The following B3GLCT variants were observed in gnomAD, a reference collection of about 807,000 sequenced individuals.
B3GLCT encodes beta 3-glucosyltransferase.
Under a neutral mutation model 63.4 loss-of-function variants are expected in B3GLCT, and 65 were observed. The observed-to-expected ratio is 1.03, with a 90% CI of 0.84 to 1.26. B3GLCT has a LOEUF of 1.26. Among genes scored for constraint, B3GLCT ranks in the 50% most tolerant of loss-of-function variants. B3GLCT has a pLI of 0.00. For synonymous variants in B3GLCT, 233 were observed against 219.2 expected, an observed-to-expected ratio of 1.06 and a Z score of -0.55; for missense variants, 577 against 604.8, an observed-to-expected ratio of 0.95 and a Z score of 0.48.
intron 12 of B3GLCT, among the ~76,000 whole-genome samples, chr13:31,293,514 G>C (rs1873783945): frequency 6.6e-6 from 1 of 152,202 alleles, no homozygotes; most frequent in African/African-American, 2.4e-5. Context: ...ATTTAGGATA[G>C]TTAGCTCTTC....
chr13:31,225,944 T>G (rs547340909), intron 3 of B3GLCT, among the ~76,000 whole-genome samples: 1 of 152,302 alleles, frequency 6.6e-6, no homozygotes, highest in Non-Finnish European at 1.5e-5. Flanking sequence ...CGTTTCTAAC[T>G]TTATCACCTA....
intron 6 of B3GLCT, among the ~76,000 whole-genome samples, chr13:31,248,988 T>C (rs1871312561): frequency 6.6e-6 from 1 of 152,216 alleles, no homozygotes. Flanking sequence ...GATCACTTTT[T>C]GGAATTCTTT....
chr13:31,215,228 C>A, intron 2 of B3GLCT, 128 bp downstream of exon 2: 1 of 1,020,192 alleles, frequency 9.8e-7, no homozygotes, highest in Non-Finnish European at 1.5e-6. Context: ...ATAATGTGGT[C>A]AACATGGATT....
chr13:31,236,892 C>T (rs1173760845), intron 4 of B3GLCT, among the ~76,000 whole-genome samples: 1 of 152,098 alleles, frequency 6.6e-6, no homozygotes, highest in Non-Finnish European at 1.5e-5. Flanking sequence ...CTTGGGAGGC[C>T]AAGGTGGGCG....
At position 31,298,288 on chromosome 13, in the gene B3GLCT, A is replaced by G. The variant is rs968010107; in HGVS notation, c.1064+11469A>G. ...ATATCACAGCCTACCCTCGTTCTTC[A>G]GATACCTTACATCAAAAGAACATAC... On this transcript the variant is annotated intron_variant, in intron 12 of 14. Coordinates refer to ENST00000343307, the MANE Select transcript of B3GLCT (RefSeq NM_194318.4). Among the ~76,000 whole-genome samples, 5 of 152,360 alleles carry G rather than the reference A, an allele frequency of 3.3e-5. No individual in the cohort carries two copies. In the South Asian group the frequency reaches 8.3e-4, roughly 25 times the overall value.
chr13:31,288,461 T>C (rs1010238765), intron 12 of B3GLCT, among the ~76,000 whole-genome samples: 2 of 152,170 alleles, frequency 1.3e-5, no homozygotes, highest in African/African-American at 2.4e-5. Flanking sequence ...CAGAACTCTC[T>C]AACACCACAG....
At chr13:31,299,693 C>G (rs975579923) in intron 12 of B3GLCT, among the ~76,000 whole-genome samples, 7 of 152,154 alleles carry the variant, frequency 4.6e-5, no homozygotes, top group Non-Finnish European at 7.3e-5. Flanking sequence ...CCCCCATATC[C>G]ACTAATTTCA....
chr13:31,272,755 A>G (rs1205793399), intron 8 of B3GLCT, among the ~76,000 whole-genome samples: 1 of 152,122 alleles, frequency 6.6e-6, no homozygotes, highest in African/African-American at 2.4e-5. Context: ...TTGTTGTTCA[A>G]TATTTTTGTC....
At chr13:31,206,479 G>T (rs959122356) in intron 1 of B3GLCT, among the ~76,000 whole-genome samples, 8 of 148,770 alleles carry the variant, frequency 5.4e-5, no homozygotes, top group Admixed American at 4.7e-4. Context: ...AGTGGCTCAC[G>T]CCTGTAATCC....
chr13:31,238,127 A>T (rs1222715146), intron 4 of B3GLCT, among the ~76,000 whole-genome samples: 1 of 152,238 alleles, frequency 6.6e-6, no homozygotes, highest in African/African-American at 2.4e-5. Flanking sequence ...GCAAAAATTT[A>T]ATGACTTCTG....
At chr13:31,208,409 A>G (rs926790406) in intron 1 of B3GLCT, among the ~76,000 whole-genome samples, 5 of 151,920 alleles carry the variant, frequency 3.3e-5, no homozygotes, top group African/African-American at 4.8e-5. Context: ...TGCAGCCGCT[A>G]TTGCACGCAC....
intron 4 of B3GLCT, among the ~76,000 whole-genome samples, chr13:31,230,776 G>A (rs1326684781): frequency 6.6e-6 from 1 of 152,122 alleles, no homozygotes; most frequent in Non-Finnish European, 1.5e-5. Context: ...TTGGGAGGCC[G>A]AGGTGGGTGG....
At chr13:31,236,978 T>G (rs1313239496) in intron 4 of B3GLCT, among the ~76,000 whole-genome samples, 1 of 151,924 alleles carries the variant, frequency 6.6e-6, no homozygotes, top group Non-Finnish European at 1.5e-5. Context: ...ATACAAAAAT[T>G]AGCCGGTCGT....
chr13:31,304,445 G>C (rs967447744), intron 12 of B3GLCT, among the ~76,000 whole-genome samples: 2 of 68,076 alleles, frequency 2.9e-5, no homozygotes, highest in African/African-American at 1.1e-4. Flanking sequence ...CTCACGTGCA[G>C]AGACACACAT....
intron 11 of B3GLCT, among the ~76,000 whole-genome samples, 166 bp downstream of exon 11, chr13:31,284,927 T>C (rs1873248134): frequency 1.3e-5 from 2 of 152,230 alleles, no homozygotes; most frequent in Non-Finnish European, 2.9e-5. Flanking sequence ...AACTAAGGGC[T>C]TTATAGTACG....
chr13:31,282,855 C>T (rs952366815), intron 10 of B3GLCT, among the ~76,000 whole-genome samples: 6 of 152,104 alleles, frequency 3.9e-5, no homozygotes, highest in Non-Finnish European at 8.8e-5. Flanking sequence ...TAATCCTAGG[C>T]CTTTTATTGA....
chr13:31,241,515 C>T (rs1301617657), intron 4 of B3GLCT, among the ~76,000 whole-genome samples: 2 of 152,072 alleles, frequency 1.3e-5, no homozygotes, highest in Non-Finnish European at 2.9e-5. Context: ...GTGCCATGCC[C>T]AGTGCCTATT....
intron 14 of B3GLCT, among the ~76,000 whole-genome samples, chr13:31,326,192 A>G (rs1407961166): frequency 6.6e-6 from 1 of 151,622 alleles, no homozygotes; most frequent in Non-Finnish European, 1.5e-5. Context: ...TGTGATTTTA[A>G]TCTCCATTTG....
intron 2 of B3GLCT, among the ~76,000 whole-genome samples, chr13:31,215,846 G>T (rs1336994934): frequency 1.3e-5 from 2 of 152,178 alleles, no homozygotes; most frequent in African/African-American, 4.8e-5. Context: ...GCATGCTGGG[G>T]CCTGGGCGGG....
Sources: gnomAD v4.1 joint callset for allele counts (sites outside exome capture counted in the v4.1 genomes callset) on GRCh38, gnomAD v4.1.1 for gene constraint, MANE v1.5 for transcripts, NCBI Gene and HGNC (gene_info 2026-07-23, HGNC 2026-07-21) for gene names.